Variants in IZUMO3 observed in about 807,000 individuals in gnomAD.
IZUMO3 encodes izumo sperm-egg fusion protein 3.
IZUMO3 carries 36 observed loss-of-function variants against 28.4 expected under a neutral mutation model. That is an observed-to-expected ratio of 1.27 (90% CI 0.97 to 1.67). The LOEUF is 1.67. IZUMO3 is among the 40% of genes most tolerant of loss of function. The pLI is 0.00. For synonymous variants in IZUMO3, 126 were observed against 99.2 expected (o/e 1.27, Z -1.61); for missense variants, 387 against 278.5 (o/e 1.39, Z -2.77).
In IZUMO3 at chr9:24,543,053, C is replaced by A; in HGVS notation, c.*176G>T. On this transcript the variant is annotated 3_prime_UTR_variant, in exon 7 of 7. Transcript: ENST00000543880. ...ACTCTGGCCAAATTATTTGCTCTCC[C>A]ATTACTTCCGTTGTCTCAGGATATC... 1 of 506,986 alleles carries A rather than the reference C, an allele frequency of 2.0e-6. No individual in the cohort carries two copies. Among genetic ancestry groups the A allele is most frequent in the Non-Finnish European group, 3.3e-6 (1 of 302,014 alleles). The allele number at this position is 506,986 out of a possible 1,614,324, so 31.4% of individuals were successfully genotyped here.
At chr9:24,543,588 A>G in intron 6 of IZUMO3, 76 bp downstream of exon 6, 3 of 1,139,288 alleles carry the variant, frequency 2.6e-6, no homozygotes, top group Middle Eastern at 2.0e-4. Context: ...TTCCATTTGG[A>G]GGAAGAGGGA....
Position 24,544,730 on chromosome 9 carries a change from G to T in IZUMO3, c.409+13C>A. On this transcript the variant is annotated intron_variant, in intron 4 of 6. Coordinates refer to ENST00000543880, the MANE Select transcript of IZUMO3 (RefSeq NM_001365008.2). The stretch of plus-strand genomic sequence containing the variant: ...GGGCTGAAACCTCAAGGCGTCACAT[G>T]TACTGTACTCACTGCAATCTTCAGA... 4 of 1,549,302 alleles carry T rather than the reference G, an allele frequency of 2.6e-6. No homozygotes were observed. The highest frequency in any genetic ancestry group is 3.5e-6 in the Non-Finnish European group (4 of 1,145,922).
rs772962945 is a variant in IZUMO3 at position 24,544,897 on chromosome 9, C to T, written c.391+75G>A. On this transcript the variant is annotated intron_variant, in intron 3 of 6. Transcript: ENST00000543880. ...TCTAAATAACTCTATTATGAACTTG[C>T]ATTTCTTCCCTCATCCCGCATTTTC... The T allele has an allele frequency of 2.1e-4, 289 of 1,347,644 alleles. 1 individual carries two copies. Among genetic ancestry groups the T allele is most frequent in the Non-Finnish European group, 1.8e-4 (173 of 963,556 alleles). The allele number at this position is 1,347,644 out of a possible 1,614,324, so 83.5% of individuals were successfully genotyped here. A position where few individuals can be genotyped will look rare whatever the true frequency, so the allele number is the denominator to read the frequency against.
Position 24,543,347 on chromosome 9 carries a change from T to A in IZUMO3, c.602A>T (p.His201Leu), listed in dbSNP as rs939100443. 30 of 1,538,782 alleles carry A rather than the reference T, an allele frequency of 1.9e-5. No individual in the cohort carries two copies. Among genetic ancestry groups the A allele is most frequent in the Non-Finnish European group, 2.6e-5 (30 of 1,142,466 alleles). ...AVLLFHFCIF[H>L]RRKMKAIRRS... ...TCGTATTGCCTTCATTTTCCTCCGA[T>A]GAAAGATGCAAAAATGGAATCTAGA... The change falls in exon 7 of 7, where the codon CAT (histidine) becomes CTT (leucine). Residue 201 changes from histidine (H) to leucine (L), a missense_variant. Coordinates refer to ENST00000543880, the MANE Select transcript of IZUMO3 (RefSeq NM_001365008.2).
At chr9:24,544,601 T>C (rs900801044) in intron 4 of IZUMO3, 142 bp downstream of exon 4, 2 of 724,694 alleles carry the variant, frequency 2.8e-6, no homozygotes, top group Non-Finnish European at 4.7e-6. Flanking sequence ...CGTTATCAGG[T>C]ATTGTTGACG....
chr9:24,543,260 T>G lies in IZUMO3; in HGVS notation c.689A>C (p.Lys230Thr), dbSNP rs1345585833. 6.5e-7 allele frequency: 1 copy of G among 1,546,328 alleles called. No individual in the cohort carries two copies. The highest frequency in any genetic ancestry group is 1.4e-5 in the African/African-American group (1 of 72,836). ...LEELMGKIDE[K>T]EEKDFRLRK is the part of the protein sequence containing the mutation. The stretch of plus-strand genomic sequence containing the variant: ...TCTGAGTCTAAAGTCTTTCTCCTCC[T>G]TCTCATCTATCTTCCCCATTAATTC... Residue 230 changes from lysine (K) to threonine (T), a missense_variant, in exon 7 of 7, where the codon AAG becomes ACG. Lys to Thr is a moderately conservative substitution (Grantham distance 78). Coordinates refer to ENST00000543880, the MANE Select transcript of IZUMO3 (RefSeq NM_001365008.2).
chr9:24,544,229 G>C lies in IZUMO3; in HGVS notation c.462C>G (p.Asn154Lys). 1.3e-6 allele frequency: 2 copies of C among 1,549,942 alleles called. No individual in the cohort carries two copies. The highest frequency in any genetic ancestry group is 1.7e-6 in the Non-Finnish European group (2 of 1,146,378). ...LDCWTCLRMTNRCFKGEYCGD... is the reference protein window; with the variant it reads ...LDCWTCLRMTKRCFKGEYCGD... The stretch of plus-strand genomic sequence containing the variant: ...CACAATATTCTCCTTTGAAGCACCT[G>C]TTAGTCATGCGAAGACACGTCCAAC... Residue 154 changes from asparagine (N) to lysine (K), a missense_variant, in exon 5 of 7, where the codon AAC becomes AAG. Transcript: ENST00000543880.
Position 24,545,694 on chromosome 9 carries a change from C to A in IZUMO3, c.-45G>T. On this transcript the variant is annotated 5_prime_UTR_variant, in exon 1 of 7. Coordinates refer to ENST00000543880, the MANE Select transcript of IZUMO3 (RefSeq NM_001365008.2). ...CCCCGACAGCAGGTTGTCCTGGCAACTAGTTCACTTAGTTCCTTTTCCTTC... is the reference window on the plus strand; with the variant it reads ...CCCCGACAGCAGGTTGTCCTGGCAAATAGTTCACTTAGTTCCTTTTCCTTC... 6.5e-7 allele frequency: 1 copy of A among 1,535,010 alleles called. No homozygotes were observed. The highest frequency in any genetic ancestry group is 8.7e-7 in the Non-Finnish European group (1 of 1,146,002).
chr9:24,544,364 G>C (rs1819531746), intron 4 of IZUMO3, 83 bp from the exon 5 acceptor site: 3 of 962,014 alleles, frequency 3.1e-6, no homozygotes, highest in Non-Finnish European at 4.9e-6. Context: ...TGGAGGATTT[G>C]ATCTCAAGCA....
At position 24,545,269 on chromosome 9, in the gene IZUMO3, TAAC is replaced by T. The variant is rs1039832179; in HGVS notation, c.241_243del (p.Val81del). On this transcript the variant is annotated inframe_deletion, in exon 2 of 7. Transcript: ENST00000543880. ...TCATTCTTCAACCATGTTCTCAACT[TAAC>T]AACCTGCTGAACAGCTAGAGAGGGA... is the stretch of plus-strand genomic sequence containing the variant. The T allele has an allele frequency of 3.9e-6, 6 of 1,550,216 alleles. No individual in the cohort carries two copies. Among genetic ancestry groups the T allele is most frequent in the African/African-American group, 2.7e-5 (2 of 73,026 alleles).
chr9:24,543,455 T>G (rs988000988), intron 6 of IZUMO3, 88 bp from the exon 7 acceptor site: 16 of 895,824 alleles, frequency 1.8e-5, no homozygotes, highest in African/African-American at 1.7e-4. Context: ...TTTTTTTTTT[T>G]TTTTTTTTTT....
Position 24,544,297 on chromosome 9 carries a change from A to G in IZUMO3, c.410-16T>C. On this transcript the variant is annotated splice_polypyrimidine_tract_variant and intron_variant, in intron 4 of 6. Transcript: ENST00000543880. ...TCAACCACAACTGATAAAGAGGAGA[A>G]GAAAGATAATCAGAAAGAGGGCATG... The G allele has an allele frequency of 6.5e-7, 1 of 1,536,602 alleles. No individual in the cohort carries two copies. The highest frequency in any genetic ancestry group is 8.8e-7 in the Non-Finnish European group (1 of 1,134,268).
At chr9:24,543,847 A>C in intron 5 of IZUMO3, 93 bp from the exon 6 acceptor site, 1 of 837,956 alleles carries the variant, frequency 1.2e-6, no homozygotes, top group Non-Finnish European at 1.9e-6. Context: ...TTTTAACCTC[A>C]GTTTGCCCTG....
chr9:24,544,052 C>G (rs1234007110), intron 5 of IZUMO3, 149 bp downstream of exon 5: 1 of 647,804 alleles, frequency 1.5e-6, no homozygotes, highest in Non-Finnish European at 2.7e-6. Context: ...CAAAATTTCA[C>G]CCAACACCCT....
Position 24,543,062 on chromosome 9 carries a change from C to G in IZUMO3, c.*167G>C. 1 of 538,560 alleles carries G rather than the reference C, an allele frequency of 1.9e-6. No individual in the cohort carries two copies. Among genetic ancestry groups the G allele is most frequent in the Non-Finnish European group, 3.0e-6 (1 of 328,506 alleles). The allele number at this position is 538,560 out of a possible 1,614,324, so 33.4% of individuals were successfully genotyped here. ...AAATTATTTGCTCTCCCATTACTTC[C>G]GTTGTCTCAGGATATCAATAAGCAT... On this transcript the variant is annotated 3_prime_UTR_variant, in exon 7 of 7. Transcript: ENST00000543880.
chr9:24,543,132 A>T lies in IZUMO3; in HGVS notation c.*97T>A. The T allele has an allele frequency of 1.1e-6, 1 of 947,516 alleles. No homozygotes were observed. The highest frequency in any genetic ancestry group is 1.5e-6 in the Non-Finnish European group (1 of 681,410). The allele number at this position is 947,516 out of a possible 1,614,324, so 58.7% of individuals were successfully genotyped here. On this transcript the variant is annotated 3_prime_UTR_variant, in exon 7 of 7. Transcript: ENST00000543880. ...AGTTCTATTTCAGTTTTAAAATACT[A>T]TGACTTTATGACCAAGAAAGGGTTT...
At position 24,544,999 on chromosome 9, in the gene IZUMO3, C is replaced by G. The variant is rs780378599; in HGVS notation, c.364G>C (p.Glu122Gln). ...ATTTCAGAGAAGTTCTTTAGTAATT[C>G]TTTCAGTTTGGATTCCAGGTTTTGG... ...VCQNLESKLKELLKNFSEIAC... is the reference protein window; with the variant it reads ...VCQNLESKLKQLLKNFSEIAC... Residue 122 changes from glutamate (E) to glutamine (Q), a missense_variant, in exon 3 of 7, where the codon GAA (glutamate) becomes CAA (glutamine). Physicochemically the swap from Glu to Gln is conservative, Grantham distance 29 (BLOSUM62 2). Coordinates refer to ENST00000543880, the MANE Select transcript of IZUMO3 (RefSeq NM_001365008.2). 4 of 1,550,272 alleles carry G rather than the reference C, an allele frequency of 2.6e-6. No homozygotes were observed. The African/African-American group carries it at 4.1e-5, about 16-fold the overall frequency.
chr9:24,543,200 T>C lies in IZUMO3; in HGVS notation c.*29A>G. Reference sequence around the variant, plus strand: ...TTAGAGTCAACACTTAAGAGAATCATGAAAGACTTCTTGTCCATGTTGATG... The same window carrying C: ...TTAGAGTCAACACTTAAGAGAATCACGAAAGACTTCTTGTCCATGTTGATG... On this transcript the variant is annotated 3_prime_UTR_variant, in exon 7 of 7. Coordinates refer to ENST00000543880, the MANE Select transcript of IZUMO3 (RefSeq NM_001365008.2). The C allele has an allele frequency of 6.6e-7, 1 of 1,519,228 alleles. No individual in the cohort carries two copies. The highest frequency in any genetic ancestry group is 8.8e-7 in the Non-Finnish European group (1 of 1,131,286). The allele number at this position is 1,519,228 out of a possible 1,614,324, so 94.1% of individuals were successfully genotyped here.
At position 24,545,738 on chromosome 9, in the gene IZUMO3, G is replaced by T; in HGVS notation, c.-89C>A. 6.5e-7 allele frequency: 1 copy of T among 1,533,728 alleles called. No individual in the cohort carries two copies. Among genetic ancestry groups the T allele is most frequent in the Non-Finnish European group, 8.8e-7 (1 of 1,141,668 alleles). ...TTCCTTCAAAAATCCGGGAATGAGA[G>T]CCTGGTTCTGGATAGTCTGACTCCA... is the stretch of plus-strand genomic sequence containing the variant. On this transcript the variant is annotated 5_prime_UTR_variant, in exon 1 of 7. Coordinates refer to ENST00000543880, the MANE Select transcript of IZUMO3 (RefSeq NM_001365008.2).
Sources: allele counts gnomAD v4.1 joint callset, GRCh38; gene constraint gnomAD v4.1.1; transcripts MANE v1.5; gene names NCBI Gene and HGNC (gene_info 2026-07-23, HGNC 2026-07-21).